The following CDH4 variants were observed in gnomAD, a reference collection of about 807,000 sequenced individuals.
CDH4 encodes cadherin-4.
Under a neutral mutation model 86.0 loss-of-function variants are expected in CDH4, and 33 were observed. The observed-to-expected ratio is 0.38, with a 90% CI of 0.29 to 0.51. The LOEUF (loss-of-function observed/expected upper bound fraction) is 0.51, where lower values mean the gene tolerates loss of function less well. Among genes scored for constraint, CDH4 ranks in the 20% least tolerant of loss-of-function variants. The pLI is 0.86. For synonymous variants in CDH4, 555 were observed against 549.4 expected (o/e 1.01, Z -0.14); for missense variants, 1,114 against 1,307.4 (o/e 0.85, Z 2.28).
intron 4 of CDH4, among the ~76,000 whole-genome samples, chr20:61,832,902 T>C (rs1981693800): frequency 1.3e-5 from 2 of 152,116 alleles, no homozygotes; most frequent in African/African-American, 4.8e-5. Context: ...CTGATGCTAT[T>C]ACTAGTACTG....
chr20:61,894,801 C>A, intron 7 of CDH4, 109 bp from the exon 8 acceptor site: 1 of 1,237,872 alleles, frequency 8.1e-7, no homozygotes, highest in Non-Finnish European at 1.1e-6. Flanking sequence ...TGAAAGAGAA[C>A]CGGTTCCAGG....
At chr20:61,679,144 C>T (rs564037807) in intron 2 of CDH4, among the ~76,000 whole-genome samples, 3 of 152,184 alleles carry the variant, frequency 2.0e-5, no homozygotes, top group Admixed American at 2.0e-4. Flanking sequence ...TTGGGTGGGT[C>T]AGTGGCTGCG....
At chr20:61,692,199 G>C (rs1037627883) in intron 2 of CDH4, among the ~76,000 whole-genome samples, 2 of 146,842 alleles carry the variant, frequency 1.4e-5, no homozygotes, top group African/African-American at 5.4e-5. Context: ...GTATATGTTT[G>C]TGTGTATGTC....
At chr20:61,906,051 G>C (rs932036523) in intron 8 of CDH4, among the ~76,000 whole-genome samples, 17 of 152,168 alleles carry the variant, frequency 1.1e-4, no homozygotes, top group Admixed American at 1.1e-3. Flanking sequence ...AACACCTTCA[G>C]ATTCACGTGG....
chr20:61,885,137 C>A (rs555129668), intron 7 of CDH4, among the ~76,000 whole-genome samples: 4 of 152,126 alleles, frequency 2.6e-5, no homozygotes, highest in African/African-American at 9.6e-5. Context: ...CGACACATAG[C>A]ACGTTCGTGC....
chr20:61,766,399 C>G (rs1026586937), intron 3 of CDH4, among the ~76,000 whole-genome samples: 1 of 152,102 alleles, frequency 6.6e-6, no homozygotes, highest in African/African-American at 2.4e-5. Context: ...CTGCAGGAGT[C>G]TTGCCCTCTC....
In CDH4 at chr20:61,362,401, C is replaced by T. The variant is rs2084788467; in HGVS notation, c.169+107464C>T. 3.6e-5 allele frequency among the ~76,000 whole-genome samples: 5 copies of T among 140,544 alleles called. No individual in the cohort carries two copies. The South Asian group carries it at 9.5e-4, about 27-fold the overall frequency. The allele number at this position is 140,544 out of a possible 152,430, so 92.2% of individuals were successfully genotyped here. A position where few individuals can be genotyped will look rare whatever the true frequency, so the allele number is the denominator to read the frequency against. On this transcript the variant is annotated intron_variant, in intron 2 of 15. Transcript: ENST00000614565. ...AGGGCAGAGATGTGGCCTAGGACAG[C>T]GTAGGGGAGAGCAGAGACGTGGCCT...
chr20:61,458,970 T>C (rs73318378), intron 2 of CDH4, among the ~76,000 whole-genome samples: 8,961 of 143,122 alleles, frequency 0.063, 298 homozygotes, highest in African/African-American at 0.078. Context: ...TTTTTTTTTT[T>C]CCTTCTGGAG....
chr20:61,407,026 T>TGGACCACCATCTGCTCTGCCC (rs1555846863), intron 2 of CDH4, among the ~76,000 whole-genome samples: 10 of 141,382 alleles, frequency 7.1e-5, no homozygotes, highest in Non-Finnish European at 1.4e-4. Context: ...CTGCTCTGCC[T>TGGACCACCATCTGCTCTGCCC]GGACCACCAT....
intron 2 of CDH4, among the ~76,000 whole-genome samples, chr20:61,430,909 A>T (rs79531536): frequency 5.9e-5 from 9 of 152,332 alleles, no homozygotes; most frequent in Non-Finnish European, 1.3e-4. Flanking sequence ...TGCAGCCCCC[A>T]GGCTTCAGGG....
chr20:61,374,484 C>G (rs1383806825), intron 2 of CDH4, among the ~76,000 whole-genome samples: 1 of 152,174 alleles, frequency 6.6e-6, no homozygotes, highest in Non-Finnish European at 1.5e-5. Flanking sequence ...CACTCACTTT[C>G]CCTGTGGCCT....
At chr20:61,796,495 G>A (rs564575488) in intron 4 of CDH4, among the ~76,000 whole-genome samples, 1 of 152,356 alleles carries the variant, frequency 6.6e-6, no homozygotes, top group East Asian at 1.9e-4. Flanking sequence ...CTGGAAAGGG[G>A]CATCCTGTAG....
At chr20:61,758,728 A>G (rs1249357110) in intron 3 of CDH4, among the ~76,000 whole-genome samples, 1 of 152,222 alleles carries the variant, frequency 6.6e-6, no homozygotes, top group Non-Finnish European at 1.5e-5. Context: ...TGGGCCAGTC[A>G]GTCCAAGACT....
chr20:61,256,799 G>A (rs946840101), intron 2 of CDH4, among the ~76,000 whole-genome samples: 3 of 152,256 alleles, frequency 2.0e-5, no homozygotes, highest in African/African-American at 4.8e-5. Context: ...TCTAGGGGCT[G>A]TAGTCGCATT....
At chr20:61,361,421 A>AT (rs2123319238) in intron 2 of CDH4, among the ~76,000 whole-genome samples, 1 of 152,278 alleles carries the variant, frequency 6.6e-6, no homozygotes, top group African/African-American at 2.4e-5. Flanking sequence ...GTTGATGAGT[A>AT]TTTGTAAATC....
chr20:61,436,614 C>G (rs1389171307), intron 2 of CDH4: 1 of 152,446 alleles, frequency 6.6e-6, no homozygotes, highest in Non-Finnish European at 1.5e-5. Flanking sequence ...ATCTGTCCAC[C>G]AGCACAAAGC....
At position 61,797,980 on chromosome 20, in the gene CDH4, A is replaced by G. The variant is rs566487082; in HGVS notation, c.576+24798A>G. Among the ~76,000 whole-genome samples the G allele has an allele frequency of 1.6e-4, 24 of 152,254 alleles. No individual in the cohort carries two copies. The South Asian group carries it at 4.6e-3, about 29-fold the overall frequency. On this transcript the variant is annotated intron_variant, in intron 4 of 15. Coordinates refer to ENST00000614565, the MANE Select transcript of CDH4 (RefSeq NM_001794.5). ...CTGGGGGACAGTGCTTGCTCATCCT[A>G]GAGTTTTTCTAGAGAAAGCCAAAAT...
chr20:61,756,592 C>T lies in CDH4; in HGVS notation c.396+12803C>T, dbSNP rs191507564. Among the ~76,000 whole-genome samples the T allele has an allele frequency of 5.9e-4, 89 of 151,020 alleles. No homozygotes were observed. In the East Asian group the frequency reaches 0.016, roughly 27 times the overall value. ...GTCCCTCCCCCATCCCCTGGTCCCTCCCCCCATCTCCTGGAGAAGCCTGGA... is the reference window on the plus strand; with the variant it reads ...GTCCCTCCCCCATCCCCTGGTCCCTTCCCCCATCTCCTGGAGAAGCCTGGA... On this transcript the variant is annotated intron_variant, in intron 3 of 15. Transcript: ENST00000614565.
intron 2 of CDH4, among the ~76,000 whole-genome samples, chr20:61,385,883 G>GTTC (rs1457740877): frequency 6.6e-6 from 1 of 152,154 alleles, no homozygotes; most frequent in African/African-American, 2.4e-5. Flanking sequence ...CTCTGCACTT[G>GTTC]GCATTTGCTA....
Sources: gnomAD v4.1 joint callset for allele counts (sites outside exome capture counted in the v4.1 genomes callset) on GRCh38, gnomAD v4.1.1 for gene constraint, MANE v1.5 for transcripts, NCBI Gene and HGNC (gene_info 2026-07-23, HGNC 2026-07-21) for gene names.